The following SRPK2 variants were observed in gnomAD, a reference collection of about 807,000 sequenced individuals.
The protein encoded by SRPK2 is SRSF protein kinase 2, also known as SFRS protein kinase 2.
Under a neutral mutation model 90.8 loss-of-function variants are expected in SRPK2, and 21 were observed. The observed-to-expected ratio is 0.23, with a 90% CI of 0.16 to 0.33. The LOEUF (loss-of-function observed/expected upper bound fraction) is 0.33, where lower values mean the gene tolerates loss of function less well. SRPK2 is among the 10% of genes least tolerant of loss of function. The pLI is 1.00. For synonymous variants in SRPK2, 288 were observed against 311.1 expected (o/e 0.93, Z 0.78); for missense variants, 620 against 869.0 (o/e 0.71, Z 3.60).
At chr7:105,269,152 C>T (rs1805494254) in intron 2 of SRPK2, 2 of 996,530 alleles carry the variant, frequency 2.0e-6, no homozygotes, top group Admixed American at 9.2e-5. Flanking sequence ...CATGGTTCTA[C>T]AAGATGATTT....
At chr7:105,321,637 A>G (rs1425750897) in intron 2 of SRPK2, among the ~76,000 whole-genome samples, 1 of 152,228 alleles carries the variant, frequency 6.6e-6, no homozygotes, top group Non-Finnish European at 1.5e-5. Context: ...AATGAGCGAA[A>G]GATTTTAATA....
intron 2 of SRPK2, among the ~76,000 whole-genome samples, chr7:105,320,026 A>G (rs958633515): frequency 6.6e-6 from 1 of 152,166 alleles, no homozygotes; most frequent in East Asian, 1.9e-4. Flanking sequence ...ATTCCAAATA[A>G]TAACATTCCA....
intron 2 of SRPK2, among the ~76,000 whole-genome samples, chr7:105,347,625 G>A (rs186436912): frequency 6.6e-6 from 1 of 152,094 alleles, no homozygotes; most frequent in Non-Finnish European, 1.5e-5. Flanking sequence ...AGACTGAGGC[G>A]GGAGGATCGC....
intron 2 of SRPK2, among the ~76,000 whole-genome samples, chr7:105,208,956 T>C (rs1796530131): frequency 6.6e-6 from 1 of 151,010 alleles, no homozygotes; most frequent in Non-Finnish European, 1.5e-5. Context: ...ACCTCATCTC[T>C]ACAAAAACAA....
chr7:105,310,262 G>C (rs900546836), intron 2 of SRPK2, among the ~76,000 whole-genome samples: 12 of 152,150 alleles, frequency 7.9e-5, no homozygotes, highest in Non-Finnish European at 1.5e-4. Flanking sequence ...GACAAACATA[G>C]GTAGCAGATA....
At chr7:105,114,816 G>C (rs1302745895), downstream of SRPK2, among the ~76,000 whole-genome samples, 1 of 152,040 alleles carries the variant, frequency 6.6e-6, no homozygotes, top group Non-Finnish European at 1.5e-5. Context: ...AGCTCACTTA[G>C]GGCTCAATCC....
chr7:105,399,260 C>A (rs1358610913), exon 1 of SRPK2: 1 of 152,186 alleles, frequency 6.6e-6, no homozygotes, highest in Non-Finnish European at 1.5e-5. Context: ...AGACCTGTTA[C>A]CAAGATAATT....
intron 2 of SRPK2, among the ~76,000 whole-genome samples, chr7:105,379,083 G>A (rs1820634213): frequency 6.6e-6 from 1 of 151,884 alleles, no homozygotes; most frequent in South Asian, 2.1e-4. Flanking sequence ...TTTGAGGCCA[G>A]GAATTTGAGG....
intron 2 of SRPK2, among the ~76,000 whole-genome samples, chr7:105,293,926 T>C (rs546565029): frequency 6.6e-6 from 1 of 152,312 alleles, no homozygotes; most frequent in African/African-American, 2.4e-5. Context: ...GAAAGCATTA[T>C]CCCAGTTTAT....
chr7:105,265,931 TTC>T (rs1243991505), intron 2 of SRPK2, among the ~76,000 whole-genome samples: 1 of 152,142 alleles, frequency 6.6e-6, no homozygotes, highest in South Asian at 2.1e-4. Context: ...CTGAGTTTTT[TTC>T]TCTCTCTTCA....
At chr7:105,340,729 C>A (rs185934114) in intron 2 of SRPK2, among the ~76,000 whole-genome samples, 1 of 152,130 alleles carries the variant, frequency 6.6e-6, no homozygotes, top group East Asian at 1.9e-4. Flanking sequence ...CATGAGTGAG[C>A]CACTGTACAA....
intron 2 of SRPK2, among the ~76,000 whole-genome samples, chr7:105,352,918 C>T (rs868625344): frequency 4.6e-5 from 7 of 151,514 alleles, no homozygotes; most frequent in Non-Finnish European, 7.4e-5. Context: ...AAAAAAAAAG[C>T]TCTTGGCTAG....
chr7:105,252,256 T>G (rs1490767734), intron 2 of SRPK2, among the ~76,000 whole-genome samples: 1 of 152,098 alleles, frequency 6.6e-6, no homozygotes, highest in African/African-American at 2.4e-5. Flanking sequence ...GGAAATAAAC[T>G]CTTGCCTGTA....
In SRPK2 at chr7:105,278,563, G is replaced by A. The variant is rs565268353; in HGVS notation, c.72-74778C>T. Among the ~76,000 whole-genome samples the A allele has an allele frequency of 6.0e-5, 9 of 150,798 alleles. No homozygotes were observed. The East Asian group carries it at 1.8e-3, about 30-fold the overall frequency. ...TAGCCGGGAGTGGTGGCATGTGCCTGTAGTCTGAGCTACTTGGGAAGCTGA... is the reference window on the plus strand; with the variant it reads ...TAGCCGGGAGTGGTGGCATGTGCCTATAGTCTGAGCTACTTGGGAAGCTGA... On this transcript the variant is annotated intron_variant, in intron 2 of 15. Coordinates refer to ENST00000393651, the MANE Select transcript of SRPK2 (RefSeq NM_182692.3).
intron 1 of SRPK2, among the ~76,000 whole-genome samples, chr7:105,396,103 C>T (rs186555844): frequency 4.6e-5 from 7 of 151,618 alleles, no homozygotes; most frequent in Admixed American, 6.6e-5. Context: ...TTAGTAGAGA[C>T]GGGGTTTCTC....
At chr7:105,275,594 G>A (rs148878747) in intron 2 of SRPK2, among the ~76,000 whole-genome samples, 3 of 152,174 alleles carry the variant, frequency 2.0e-5, no homozygotes, top group East Asian at 3.9e-4. Flanking sequence ...ACCTGTCTAC[G>A]TTGTAACACA....
chr7:105,223,353 A>G (rs1165703967), intron 2 of SRPK2, among the ~76,000 whole-genome samples: 1 of 152,236 alleles, frequency 6.6e-6, no homozygotes, highest in Non-Finnish European at 1.5e-5. Flanking sequence ...CCACATTTTA[A>G]TAACCCAGAC....
chr7:105,245,713 T>C (rs1056872707), intron 2 of SRPK2, among the ~76,000 whole-genome samples: 6 of 151,970 alleles, frequency 3.9e-5, no homozygotes, highest in African/African-American at 1.5e-4. Context: ...TAGAAAACAC[T>C]TTTTTTCCCC....
chr7:105,146,695 T>G (rs1192778104), intron 7 of SRPK2, 37 bp from the exon 8 acceptor site: 2 of 1,585,956 alleles, frequency 1.3e-6, no homozygotes, highest in Non-Finnish European at 1.7e-6. Flanking sequence ...GATAAGCTAT[T>G]AATATCTCAT....
Sources: gnomAD v4.1 joint callset for allele counts (sites outside exome capture counted in the v4.1 genomes callset) on GRCh38, gnomAD v4.1.1 for gene constraint, MANE v1.5 for transcripts, NCBI Gene and HGNC (gene_info 2026-07-23, HGNC 2026-07-21) for gene names.